Variants in SLC28A3 observed in about 807,000 individuals in gnomAD.
SLC28A3 encodes the protein concentrative Na(+)-nucleoside cotransporter 3.
In SLC28A3, 68 loss-of-function variants were observed where a neutral mutation model predicts 84.2. That is an observed-to-expected ratio of 0.81 (90% confidence interval 0.66 to 0.99). SLC28A3 has a LOEUF of 0.99. SLC28A3 is among the 50% of genes least tolerant of loss of function. The pLI, the probability that SLC28A3 is intolerant of heterozygous loss-of-function variation, is 0.00. For missense variants in SLC28A3, 712 were observed against 841.5 expected, an observed-to-expected ratio of 0.85 and a Z score of 1.90; for synonymous variants, 267 against 303.6, an observed-to-expected ratio of 0.88 and a Z score of 1.25.
At chr9:84,331,575 T>C (rs1826789890) in intron 1 of SLC28A3, among the ~76,000 whole-genome samples, 1 of 152,130 alleles carries the variant, frequency 6.6e-6, no homozygotes, top group African/African-American at 2.4e-5. Context: ...CCTGTGTGTT[T>C]GTGCAGAGTG....
the SLC28A3 span, among the ~76,000 whole-genome samples, chr9:84,366,416 G>C: frequency 6.6e-6 from 1 of 152,080 alleles, no homozygotes; most frequent in East Asian, 1.9e-4. Flanking sequence ...ATTTGGTGAA[G>C]TCTTGTTTTC....
chr9:84,350,246 A>G, the SLC28A3 span, among the ~76,000 whole-genome samples: 2 of 152,250 alleles, frequency 1.3e-5, no homozygotes, highest in African/African-American at 4.8e-5. Context: ...GTTCAAGACC[A>G]GCCTGACTAA....
At position 84,297,235 on chromosome 9, in the gene SLC28A3, A is replaced by G. The variant is rs1385551795; in HGVS notation, c.847T>C (p.Phe283Leu). ...FVFGEKYKDH[F>L]FAFKVLPIVV... ...TTTGACTTTACCTTAAATGCAAAGAAGTGGTCTTTGTATTTCTCACCAAAG... is the reference window on the plus strand; with the variant it reads ...TTTGACTTTACCTTAAATGCAAAGAGGTGGTCTTTGTATTTCTCACCAAAG... The change falls in exon 8 of 18, where the codon TTC (phenylalanine) becomes CTC (leucine). Residue 283 changes from phenylalanine to leucine, a missense_variant. By Grantham distance (22) the Phe-to-Leu change is conservative. Coordinates refer to ENST00000376238, the MANE Select transcript of SLC28A3 (RefSeq NM_001199633.2). 3 of 1,613,354 alleles carry G rather than the reference A, an allele frequency of 1.9e-6. No individual in the cohort carries two copies. Among genetic ancestry groups the G allele is most frequent in the Non-Finnish European group, 2.5e-6 (3 of 1,179,674 alleles).
chr9:84,309,446 T>G (rs1280002467), intron 3 of SLC28A3, among the ~76,000 whole-genome samples, 183 bp downstream of exon 3: 1 of 143,052 alleles, frequency 7.0e-6, no homozygotes. Context: ...TCGCTTGAAC[T>G]TGGGAGGCGG....
intron 8 of SLC28A3, among the ~76,000 whole-genome samples, chr9:84,296,898 C>A (rs549728598): frequency 6.6e-6 from 1 of 152,238 alleles, no homozygotes; most frequent in Non-Finnish European, 1.5e-5. Context: ...ATATTCTTTT[C>A]CCTGAAGGCC....
the SLC28A3 span, among the ~76,000 whole-genome samples, chr9:84,353,177 T>C: frequency 6.6e-6 from 1 of 152,194 alleles, no homozygotes; most frequent in Non-Finnish European, 1.5e-5. Context: ...ACCCCAAATA[T>C]GTATCCCAAA....
chr9:84,276,814 C>CACAA lies in SLC28A3; in HGVS notation c.*1400_*1403dup, dbSNP rs1457033907. The CACAA allele has an allele frequency of 2.0e-5, 3 of 152,202 alleles. No homozygotes were observed. The highest frequency in any genetic ancestry group is 7.2e-5 in the African/African-American group (3 of 41,450). The allele number at this position is 152,202 out of a possible 1,614,324, so 9.4% of individuals were successfully genotyped here. A position where few individuals can be genotyped will look rare whatever the true frequency, so the allele number is the denominator to read the frequency against. On this transcript the variant is annotated 3_prime_UTR_variant, in exon 18 of 18. Transcript: ENST00000376238. ...CTTTTTCTTTTAAATTACTCTTGTA[C>CACAA]ACAAACAGAAGGAAAAATAGAAACA... is the stretch of plus-strand genomic sequence containing the variant.
intron 1 of SLC28A3, among the ~76,000 whole-genome samples, chr9:84,323,866 A>G (rs1429139559): frequency 2.0e-5 from 3 of 150,684 alleles, no homozygotes; most frequent in Admixed American, 2.0e-4. Flanking sequence ...TCCCTCTCCC[A>G]TGTCCTCCTT....
intron 1 of SLC28A3, among the ~76,000 whole-genome samples, chr9:84,325,355 G>T (rs1424500068): frequency 1.3e-5 from 2 of 152,060 alleles, no homozygotes; most frequent in Non-Finnish European, 2.9e-5. Flanking sequence ...CTTCCATCTA[G>T]CACAGAGCAG....
At chr9:84,303,477 C>T (rs192267493) in intron 4 of SLC28A3, among the ~76,000 whole-genome samples, 22 of 152,274 alleles carry the variant, frequency 1.4e-4, no homozygotes, top group Non-Finnish European at 1.9e-4. Context: ...TGTGCCACCA[C>T]GCCCGGTTAA....
chr9:84,302,086 T>TTC, intron 5 of SLC28A3, 114 bp downstream of exon 5: 2 of 972,144 alleles, frequency 2.1e-6, no homozygotes, highest in Non-Finnish European at 3.0e-6. Context: ...CCTAGGGTGT[T>TTC]TCTAGCTTCC....
In SLC28A3 at chr9:84,305,245, G is replaced by T. The variant is rs774389637; in HGVS notation, c.334+9C>A. The stretch of plus-strand genomic sequence containing the variant: ...GACAGTGGTATCCCTAACCATCTTT[G>T]TTATTTACCTGCTAATAAAATGCCC... On this transcript the variant is annotated intron_variant, in intron 4 of 17. Coordinates refer to ENST00000376238, the MANE Select transcript of SLC28A3 (RefSeq NM_001199633.2). 9.7e-6 allele frequency: 15 copies of T among 1,550,278 alleles called. No homozygotes were observed. Among genetic ancestry groups the T allele is most frequent in the East Asian group, 4.6e-5 (2 of 43,870 alleles).
chr9:84,358,950 G>A, the SLC28A3 span, among the ~76,000 whole-genome samples: 2 of 152,208 alleles, frequency 1.3e-5, no homozygotes, highest in South Asian at 4.1e-4. Flanking sequence ...CCACAAGCGA[G>A]CACCACCACA....
intron 3 of SLC28A3, 47 bp downstream of exon 3, chr9:84,309,582 C>G (rs773069032): frequency 1.5e-5 from 15 of 1,015,538 alleles, no homozygotes; most frequent in African/African-American, 1.9e-5. Flanking sequence ...AGTAATAAAA[C>G]CAAACGGGAG....
At chr9:84,285,251 C>T (rs1824934235) in intron 14 of SLC28A3, 94 bp downstream of exon 14, 5 of 1,256,334 alleles carry the variant, frequency 4.0e-6, no homozygotes, top group Admixed American at 2.1e-5. Flanking sequence ...ATCCCAGGTG[C>T]CTGGCATAGT....
chr9:84,278,030 G>T lies in SLC28A3; in HGVS notation c.*188C>A. On this transcript the variant is annotated 3_prime_UTR_variant, in exon 18 of 18. Transcript: ENST00000376238. ...GTTCTTGGTGGGGAAGGGGCTGGTG[G>T]GGAGGGAGGGGAGGAGGAAAATGTT... The T allele has an allele frequency of 1.5e-6, 1 of 674,830 alleles. No homozygotes were observed. Among genetic ancestry groups the T allele is most frequent in the Non-Finnish European group, 2.4e-6 (1 of 422,284 alleles). The allele number at this position is 674,830 out of a possible 1,614,324, so 41.8% of individuals were successfully genotyped here. A position where few individuals can be genotyped will look rare whatever the true frequency, so the allele number is the denominator to read the frequency against.
chr9:84,294,263 C>T lies in SLC28A3; in HGVS notation c.874G>A (p.Val292Met), dbSNP rs202155610. The stretch of plus-strand genomic sequence containing the variant: ...GACATCACAGTGCTGAAGAAAACCA[C>T]GATCGGCAGGACCTGTGGGGACAGA... ...HFFAFKVLPIVVFFSTVMSML... is the reference protein window; with the variant it reads ...HFFAFKVLPIMVFFSTVMSML... Residue 292 changes from valine to methionine, a missense_variant, in exon 9 of 18, where the codon GTG becomes ATG. Coordinates refer to ENST00000376238, the MANE Select transcript of SLC28A3 (RefSeq NM_001199633.2). 140 of 1,614,142 alleles carry T rather than the reference C, an allele frequency of 8.7e-5. No homozygotes were observed. The highest frequency in any genetic ancestry group is 1.1e-4 in the Non-Finnish European group (132 of 1,179,978).
intron 11 of SLC28A3, 155 bp downstream of exon 11, chr9:84,289,999 G>T: frequency 2.2e-6 from 2 of 898,534 alleles, no homozygotes; most frequent in Non-Finnish European, 3.2e-6. Context: ...GGATCCCTAT[G>T]TTCAAATGCC....
At chr9:84,314,547 A>G (rs1826102007) in intron 1 of SLC28A3, among the ~76,000 whole-genome samples, 1 of 152,192 alleles carries the variant, frequency 6.6e-6, no homozygotes, top group African/African-American at 2.4e-5. Context: ...TTGCAATTCC[A>G]AGTTGTATTG....
Sources: allele counts gnomAD v4.1 joint callset (sites outside exome capture counted in the v4.1 genomes callset), GRCh38; gene constraint gnomAD v4.1.1; transcripts MANE v1.5; gene names NCBI Gene and HGNC (gene_info 2026-07-23, HGNC 2026-07-21).